Variants in SAMMSON observed in about 807,000 individuals in gnomAD.
SAMMSON encodes survival associated mitochondrial melanoma specific oncogenic non-coding RNA.
intron 9 of SAMMSON, among the ~76,000 whole-genome samples, chr3:70,379,939 A>T (rs901086456): frequency 1.1e-4 from 17 of 152,200 alleles, no homozygotes; most frequent in African/African-American, 3.6e-4. Flanking sequence ...AAAAGGGAAT[A>T]AGGCAATGGA....
intron 4 of SAMMSON, among the ~76,000 whole-genome samples, chr3:70,226,793 T>C (rs566866741): frequency 3.8e-4 from 57 of 149,294 alleles, no homozygotes; most frequent in Non-Finnish European, 6.5e-4. Flanking sequence ...AAAAACAAGA[T>C]ATTCTGAAGA....
intron 3 of SAMMSON, among the ~76,000 whole-genome samples, chr3:70,043,737 G>C (rs1576106598): frequency 6.6e-6 from 1 of 152,030 alleles, no homozygotes; most frequent in East Asian, 1.9e-4. Flanking sequence ...CTTTTGTGTT[G>C]GTTTTAACAA....
At chr3:70,183,803 A>C (rs1701071785) in intron 4 of SAMMSON, 1 of 152,196 alleles carries the variant, frequency 6.6e-6, no homozygotes, top group Non-Finnish European at 1.5e-5. Flanking sequence ...CTCAGTTCCC[A>C]AACTGAGAGC....
chr3:70,298,967 G>T (rs1273570467), intron 7 of SAMMSON, among the ~76,000 whole-genome samples: 1 of 152,140 alleles, frequency 6.6e-6, no homozygotes, highest in Non-Finnish European at 1.5e-5. Flanking sequence ...CAACTAAGCT[G>T]AGGCATTGAT....
At position 70,005,168 on chromosome 3, in the gene SAMMSON, T is replaced by C. The variant is rs369567233; in HGVS notation, n.22+5301T>C. Among the ~76,000 whole-genome samples, 6 of 152,312 alleles carry C rather than the reference T, an allele frequency of 3.9e-5. No homozygotes were observed. The East Asian group carries it at 9.6e-4, about 24-fold the overall frequency. ...AGAAATTCACTCCTTCAATGAAATA[T>C]TTTATTTTAAAAGTTACCTGAAAGT... On this transcript the variant is annotated intron_variant and non_coding_transcript_variant, in intron 1 of 9. Coordinates refer to ENST00000642114, the Ensembl canonical transcript of SAMMSON.
At chr3:70,015,432 A>G (rs1052676341) in intron 3 of SAMMSON, 2 of 151,200 alleles carry the variant, frequency 1.3e-5, no homozygotes, top group African/African-American at 2.4e-5. Flanking sequence ...CAAGTCGTTT[A>G]TTTACCCAGT....
At chr3:70,193,862 C>T (rs932913774) in intron 4 of SAMMSON, among the ~76,000 whole-genome samples, 2 of 152,110 alleles carry the variant, frequency 1.3e-5, no homozygotes, top group African/African-American at 4.8e-5. Flanking sequence ...ATACATTTAT[C>T]CTTGAAAAAA....
At chr3:70,326,130 T>G (rs1351376611) in intron 7 of SAMMSON, among the ~76,000 whole-genome samples, 2 of 152,028 alleles carry the variant, frequency 1.3e-5, no homozygotes, top group African/African-American at 4.8e-5. Flanking sequence ...GTGCTCTCTT[T>G]CCTCCCTCCT....
intron 9 of SAMMSON, among the ~76,000 whole-genome samples, chr3:70,378,978 CTTTTATTTAT>C (rs1412564003): frequency 7.0e-6 from 1 of 142,988 alleles, no homozygotes; most frequent in Non-Finnish European, 1.5e-5. Flanking sequence ...TATACTTACA[CTTTTATTTAT>C]TTATTTATTT....
At chr3:70,358,846 A>C (rs911056406) in intron 9 of SAMMSON, among the ~76,000 whole-genome samples, 5 of 152,168 alleles carry the variant, frequency 3.3e-5, no homozygotes. Flanking sequence ...TATAATGTAA[A>C]AGAAGCCAAA....
chr3:70,163,688 G>T (rs1022140563), intron 4 of SAMMSON, among the ~76,000 whole-genome samples: 1 of 151,980 alleles, frequency 6.6e-6, no homozygotes, highest in African/African-American at 2.4e-5. Flanking sequence ...GCAGTGGCAT[G>T]AACACTGTGT....
chr3:70,055,975 G>A (rs1224529329), intron 3 of SAMMSON, among the ~76,000 whole-genome samples: 1 of 151,872 alleles, frequency 6.6e-6, no homozygotes, highest in African/African-American at 2.4e-5. Flanking sequence ...CTCCTTTCTT[G>A]CCAAAAGTGT....
intron 4 of SAMMSON, among the ~76,000 whole-genome samples, chr3:70,143,442 G>T (rs1215980963): frequency 1.3e-5 from 2 of 152,034 alleles, no homozygotes; most frequent in Admixed American, 6.6e-5. Flanking sequence ...TAAGAATTTT[G>T]TTTTTCGTGT....
At chr3:70,112,229 A>G (rs1446423418) in intron 4 of SAMMSON, among the ~76,000 whole-genome samples, 5 of 152,326 alleles carry the variant, frequency 3.3e-5, no homozygotes, top group African/African-American at 1.2e-4. Context: ...AATTCCTCCA[A>G]GAGTAGAATT....
At chr3:70,090,667 A>G (rs913013322) in intron 4 of SAMMSON, among the ~76,000 whole-genome samples, 12 of 152,114 alleles carry the variant, frequency 7.9e-5, no homozygotes, top group African/African-American at 2.9e-4. Context: ...TAATTGCAGA[A>G]AAGATAATAG....
At chr3:70,377,591 T>C (rs2106749721) in intron 9 of SAMMSON, among the ~76,000 whole-genome samples, 1 of 152,206 alleles carries the variant, frequency 6.6e-6, no homozygotes, top group African/African-American at 2.4e-5. Flanking sequence ...GGAGAGTAAT[T>C]TAAGCAATTC....
At chr3:70,142,872 C>T (rs2067533353) in intron 4 of SAMMSON, among the ~76,000 whole-genome samples, 1 of 152,094 alleles carries the variant, frequency 6.6e-6, no homozygotes, top group Non-Finnish European at 1.5e-5. Flanking sequence ...CAGTGAAGCA[C>T]CTGTACAAAA....
chr3:70,285,161 C>A (rs1189445882), intron 6 of SAMMSON, among the ~76,000 whole-genome samples: 1 of 150,646 alleles, frequency 6.6e-6, no homozygotes, highest in Non-Finnish European at 1.5e-5. Flanking sequence ...CACCCACTAA[C>A]TTGTCATCTA....
intron 4 of SAMMSON, among the ~76,000 whole-genome samples, chr3:70,074,230 T>C (rs971292984): frequency 5.9e-5 from 9 of 152,214 alleles, no homozygotes; most frequent in African/African-American, 2.2e-4. Flanking sequence ...AAAAACCATT[T>C]TCAATAAATA....
Sources: allele counts gnomAD v4.1 joint callset (sites outside exome capture counted in the v4.1 genomes callset), GRCh38; gene constraint gnomAD v4.1.1; transcripts MANE v1.5; gene names NCBI Gene and HGNC (gene_info 2026-07-23, HGNC 2026-07-21).